The following CDH8 variants were observed in gnomAD, a reference collection of about 807,000 sequenced individuals.
CDH8 encodes cadherin-8.
In CDH8, 17 loss-of-function variants were observed where a neutral mutation model predicts 68.1. The observed-to-expected ratio is 0.25, with a 90% CI of 0.17 to 0.37. The LOEUF is 0.37. CDH8 is among the 10% of genes least tolerant of loss of function. CDH8 has a pLI of 1.00. For missense variants in CDH8, 763 were observed against 999.3 expected, an observed-to-expected ratio of 0.76 and a Z score of 3.19; for synonymous variants, 372 against 365.1, an observed-to-expected ratio of 1.02 and a Z score of -0.21.
intron 3 of CDH8, among the ~76,000 whole-genome samples, chr16:61,888,961 A>G (rs1326608870): frequency 6.6e-6 from 1 of 152,228 alleles, no homozygotes; most frequent in Non-Finnish European, 1.5e-5. Flanking sequence ...TCCTTGAGTC[A>G]TGCTCCCTGA....
chr16:61,828,168 G>T (rs1243559580), intron 4 of CDH8, among the ~76,000 whole-genome samples: 1 of 151,470 alleles, frequency 6.6e-6, no homozygotes, highest in East Asian at 2.0e-4. Flanking sequence ...ACCTCTGGTC[G>T]TCCTTACTAC....
At chr16:61,665,647 G>A (rs574720728) in intron 10 of CDH8, among the ~76,000 whole-genome samples, 13 of 151,716 alleles carry the variant, frequency 8.6e-5, no homozygotes, top group Non-Finnish European at 1.8e-4. Context: ...TTCTTCACAT[G>A]TATCCCAGAA....
chr16:61,912,112 G>T (rs556907488), intron 2 of CDH8, among the ~76,000 whole-genome samples: 13 of 151,970 alleles, frequency 8.6e-5, no homozygotes, highest in Admixed American at 6.6e-5. Context: ...CAGCGGGAAG[G>T]AACACAGTAG....
chr16:61,987,532 T>TAAATC (rs1388301926), intron 2 of CDH8, among the ~76,000 whole-genome samples: 2 of 151,760 alleles, frequency 1.3e-5, no homozygotes, highest in Non-Finnish European at 2.9e-5. Context: ...CAAAATGAAA[T>TAAATC]AAATCAAATC....
At chr16:61,991,121 C>T (rs1257452890) in intron 2 of CDH8, among the ~76,000 whole-genome samples, 1 of 152,130 alleles carries the variant, frequency 6.6e-6, no homozygotes, top group Non-Finnish European at 1.5e-5. Flanking sequence ...ACTAACAATA[C>T]TCAGCTATAA....
At chr16:61,884,735 A>G (rs1477359455) in intron 3 of CDH8, among the ~76,000 whole-genome samples, 3 of 152,192 alleles carry the variant, frequency 2.0e-5, no homozygotes, top group African/African-American at 7.2e-5. Flanking sequence ...AGAATGTAGT[A>G]CAGAATACAC....
intron 4 of CDH8, among the ~76,000 whole-genome samples, chr16:61,839,244 C>T (rs190123168): frequency 2.4e-4 from 37 of 152,148 alleles, no homozygotes; most frequent in African/African-American, 8.2e-4. Flanking sequence ...GGAATCATTG[C>T]CATGTGATGG....
At chr16:61,886,337 GT>G (rs1963672243) in intron 3 of CDH8, among the ~76,000 whole-genome samples, 1 of 152,006 alleles carries the variant, frequency 6.6e-6, no homozygotes, top group African/African-American at 2.4e-5. Flanking sequence ...ATAAATATTT[GT>G]TATCTTTACA....
chr16:61,909,412 A>G (rs1651020506), intron 2 of CDH8, among the ~76,000 whole-genome samples: 1 of 152,216 alleles, frequency 6.6e-6, no homozygotes, highest in Non-Finnish European at 1.5e-5. Flanking sequence ...AACAACCAGC[A>G]TGGTACTTGG....
chr16:61,828,851 C>T (rs1007692435), intron 4 of CDH8, among the ~76,000 whole-genome samples: 1 of 151,898 alleles, frequency 6.6e-6, no homozygotes, highest in African/African-American at 2.4e-5. Context: ...TAACCAGCTT[C>T]TCACTGTGGA....
chr16:61,672,163 G>C (rs943421237), intron 10 of CDH8, among the ~76,000 whole-genome samples: 1 of 151,882 alleles, frequency 6.6e-6, no homozygotes, highest in Non-Finnish European at 1.5e-5. Context: ...GTACTTCCTG[G>C]TAGTGGGTAG....
chr16:61,932,691 T>C (rs1426003166), intron 2 of CDH8, among the ~76,000 whole-genome samples: 7 of 152,230 alleles, frequency 4.6e-5, no homozygotes, highest in Non-Finnish European at 1.0e-4. Context: ...ACGTCAGAGT[T>C]GTTTCCTGTC....
intron 2 of CDH8, among the ~76,000 whole-genome samples, chr16:61,906,983 C>T (rs1398251281): frequency 6.6e-6 from 1 of 152,182 alleles, no homozygotes; most frequent in Non-Finnish European, 1.5e-5. Context: ...ATCTTGTACA[C>T]AGTCATCACT....
chr16:61,765,177 C>A (rs1010962419), intron 8 of CDH8, among the ~76,000 whole-genome samples: 1 of 151,974 alleles, frequency 6.6e-6, no homozygotes, highest in African/African-American at 2.4e-5. Context: ...TAAAAGAGGT[C>A]TTCACTGTTT....
chr16:61,963,338 T>C (rs1965191260), intron 2 of CDH8, among the ~76,000 whole-genome samples: 1 of 152,198 alleles, frequency 6.6e-6, no homozygotes, highest in African/African-American at 2.4e-5. Flanking sequence ...TATATACCCA[T>C]TCCATCTACA....
At chr16:61,765,218 C>T (rs1406636002) in intron 8 of CDH8, among the ~76,000 whole-genome samples, 1 of 151,892 alleles carries the variant, frequency 6.6e-6, no homozygotes, top group African/African-American at 2.4e-5. Flanking sequence ...ATTTCTAAAT[C>T]TCAAACTTAT....
intron 1 of CDH8, among the ~76,000 whole-genome samples, chr16:62,027,161 CG>C (rs1772342858): frequency 6.6e-6 from 1 of 152,086 alleles, no homozygotes; most frequent in Non-Finnish European, 1.5e-5. Flanking sequence ...CTTACATATA[CG>C]AAAGTCTTTA....
rs1046844779 is a variant in CDH8, at chr16:61,684,571, T to TGATAA, written c.1655-28851_1655-28850insTTATC. 7.0e-4 allele frequency among the ~76,000 whole-genome samples: 107 copies of TGATAA among 152,140 alleles called. 1 individual carries two copies. Among genetic ancestry groups the TGATAA allele is most frequent in the African/African-American group, 2.4e-3 (99 of 41,536 alleles). ...AAAATTTCACGCTACATTTTGGGTCTATATCAAGGGGCCCTAACACCAACT... is the reference window on the plus strand; with the variant it reads ...AAAATTTCACGCTACATTTTGGGTCTGATAAATATCAAGGGGCCCTAACACCAACT... On this transcript the variant is annotated intron_variant, in intron 10 of 11. Transcript: ENST00000577390.
chr16:61,949,131 T>C (rs1964846274), intron 2 of CDH8, among the ~76,000 whole-genome samples: 1 of 152,186 alleles, frequency 6.6e-6, no homozygotes, highest in Non-Finnish European at 1.5e-5. Flanking sequence ...CTGTTTCACA[T>C]TGTCGCAGCC....
Sources: allele counts gnomAD v4.1 joint callset (sites outside exome capture counted in the v4.1 genomes callset), GRCh38; gene constraint gnomAD v4.1.1; transcripts MANE v1.5; gene names NCBI Gene and HGNC (gene_info 2026-07-23, HGNC 2026-07-21).